The following CAMTA1 variants were observed in gnomAD, a reference collection of about 807,000 sequenced individuals.
CAMTA1 encodes calmodulin binding transcription activator 1, also known as calmodulin-binding transcription activator 1.
A neutral mutation model predicts 170.9 loss-of-function variants in CAMTA1; 27 were observed. That is an observed-to-expected ratio of 0.16 (90% CI 0.12 to 0.22). The LOEUF is 0.22. Among genes scored for constraint, CAMTA1 ranks in the 10% least tolerant of loss-of-function variants. The pLI is 1.00. For synonymous variants in CAMTA1, 833 were observed against 891.5 expected, an observed-to-expected ratio of 0.93 and a Z score of 1.17; for missense variants, 1,619 against 2,217.2, an observed-to-expected ratio of 0.73 and a Z score of 5.42.
chr1:6,838,284 C>T (rs958954999), intron 3 of CAMTA1, among the ~76,000 whole-genome samples: 3 of 152,174 alleles, frequency 2.0e-5, no homozygotes, highest in Non-Finnish European at 1.5e-5. Flanking sequence ...GCAAAATGTG[C>T]GCTCCCTGTG....
At chr1:7,667,343 G>A (rs1201087226) in intron 9 of CAMTA1, among the ~76,000 whole-genome samples, 1 of 152,152 alleles carries the variant, frequency 6.6e-6, no homozygotes, top group Non-Finnish European at 1.5e-5. Context: ...CAGGGAGGAG[G>A]CCAGGATCAG....
intron 20 of CAMTA1, 133 bp downstream of exon 20, chr1:7,751,525 C>T (rs747067340): frequency 6.9e-5 from 46 of 662,806 alleles, no homozygotes; most frequent in East Asian, 3.3e-4. Flanking sequence ...TGTTCCAGAA[C>T]GTTTTAGGCA....
At chr1:7,475,981 C>A (rs545740900) in intron 6 of CAMTA1, among the ~76,000 whole-genome samples, 2,346 of 152,304 alleles carry the variant, frequency 0.015, 68 homozygotes, top group African/African-American at 0.053. Flanking sequence ...ATGTGCTGGC[C>A]TCACAGGGAC....
At chr1:7,519,987 G>A (rs988020828) in intron 6 of CAMTA1, among the ~76,000 whole-genome samples, 2 of 150,964 alleles carry the variant, frequency 1.3e-5, no homozygotes, top group Non-Finnish European at 2.9e-5. Context: ...CCATCAGAAC[G>A]GGAGCTTCTA....
At chr1:7,712,989 T>G (rs982286312) in intron 11 of CAMTA1, among the ~76,000 whole-genome samples, 2 of 152,212 alleles carry the variant, frequency 1.3e-5, no homozygotes, top group African/African-American at 4.8e-5. Context: ...GACTGGGTCC[T>G]GTCCACGACA....
chr1:7,291,214 G>A (rs115176030), intron 5 of CAMTA1, among the ~76,000 whole-genome samples: 163 of 152,230 alleles, frequency 1.1e-3, no homozygotes, highest in African/African-American at 3.8e-3. Flanking sequence ...AGTTAGGGAC[G>A]AAGACGGGCA....
At chr1:7,329,948 C>T (rs2082918994) in intron 5 of CAMTA1, among the ~76,000 whole-genome samples, 1 of 152,198 alleles carries the variant, frequency 6.6e-6, no homozygotes, top group Non-Finnish European at 1.5e-5. Flanking sequence ...CCCACAGACC[C>T]TCCAGGCCCA....
intron 4 of CAMTA1, among the ~76,000 whole-genome samples, chr1:7,174,126 G>A (rs1438950800): frequency 2.0e-5 from 3 of 152,114 alleles, no homozygotes; most frequent in Non-Finnish European, 4.4e-5. Flanking sequence ...AGGGAGCAGT[G>A]CAAAGCAAGC....
At position 7,682,357 on chromosome 1, in the gene CAMTA1, G is replaced by A. The variant is rs1277387672; in HGVS notation, c.2914+4624G>A. Among the ~76,000 whole-genome samples, 7 of 152,252 alleles carry A rather than the reference G, an allele frequency of 4.6e-5. No homozygotes were observed. The highest frequency in any genetic ancestry group is 1.0e-4 in the Non-Finnish European group (7 of 68,044). On this transcript the variant is annotated intron_variant, in intron 11 of 22. Transcript: ENST00000303635. This position sits in a 1 kb window ranked among gnomAD's most constrained non-coding sequence, Gnocchi z 5.0. The stretch of plus-strand genomic sequence containing the variant: ...ACTTCTGGGGCAGCCTGGCCCTGGG[G>A]TAGGTGTCTGGGAAGACTGAGAGCC...
intron 3 of CAMTA1, chr1:7,008,520 C>T (rs1173311215): frequency 2.0e-5 from 3 of 152,136 alleles, no homozygotes; most frequent in Admixed American, 6.5e-5. Context: ...AGGGGAGGCT[C>T]AGGGGCCGGC....
At chr1:7,088,359 C>T (rs750213169) in intron 3 of CAMTA1, among the ~76,000 whole-genome samples, 3 of 152,102 alleles carry the variant, frequency 2.0e-5, no homozygotes, top group East Asian at 1.9e-4. Context: ...TTAAACATGA[C>T]GTGACCCCTG....
intron 3 of CAMTA1, among the ~76,000 whole-genome samples, chr1:6,881,547 C>T (rs770491513): frequency 3.9e-5 from 6 of 152,044 alleles, no homozygotes; most frequent in Admixed American, 6.5e-5. Context: ...GGAAGGGGCA[C>T]GGGAGGGGAG....
intron 5 of CAMTA1, among the ~76,000 whole-genome samples, chr1:7,370,625 G>T (rs1002292225): frequency 6.6e-6 from 1 of 152,080 alleles, no homozygotes; most frequent in Non-Finnish European, 1.5e-5. Context: ...TTAATATATC[G>T]CTAAGTGAGA....
At chr1:7,645,759 C>CGGCA (rs150631130) in intron 7 of CAMTA1, among the ~76,000 whole-genome samples, 2,040 of 152,364 alleles carry the variant, frequency 0.013, 46 homozygotes, top group African/African-American at 0.046. Flanking sequence ...ACTGGGCGGG[C>CGGCA]GGCAGGAGGG....
intron 6 of CAMTA1, among the ~76,000 whole-genome samples, chr1:7,618,634 C>T (rs2095576511): frequency 6.6e-6 from 1 of 152,208 alleles, no homozygotes; most frequent in South Asian, 2.1e-4. Flanking sequence ...TAAAAGGCCA[C>T]ACATCAGGGA....
intron 4 of CAMTA1, among the ~76,000 whole-genome samples, chr1:7,238,764 T>G (rs946484261): frequency 3.3e-5 from 5 of 152,202 alleles, no homozygotes; most frequent in African/African-American, 1.2e-4. Flanking sequence ...GTACCTGTAA[T>G]CCCAGCTTCC....
chr1:6,888,338 AGCCTAGTTCAGGGT>A, intron 3 of CAMTA1: 5 of 758,418 alleles, frequency 6.6e-6, no homozygotes, highest in Non-Finnish European at 8.0e-6. Flanking sequence ...AGTAACTGGA[AGCCTAGTTCAGGGT>A]GCTGTGAGAA....
In CAMTA1 at chr1:7,200,082, A is replaced by T. The variant is rs537423455; in HGVS notation, c.303-49409A>T. On this transcript the variant is annotated intron_variant, in intron 4 of 22. Coordinates refer to ENST00000303635, the MANE Select transcript of CAMTA1 (RefSeq NM_015215.4). ...AGAAAGTTGAAAAGTTTTTTAAAAC[A>T]TACAAGTACCATTTGTATATCATTC... Among the ~76,000 whole-genome samples the T allele has an allele frequency of 1.4e-3, 211 of 152,370 alleles. 1 individual carries two copies. The highest frequency in any genetic ancestry group is 3.4e-3 in the Middle Eastern group (1 of 294).
In CAMTA1 at chr1:7,681,568, G is replaced by T. The variant is rs1030588045; in HGVS notation, c.2914+3835G>T. 1.3e-5 allele frequency among the ~76,000 whole-genome samples: 2 copies of T among 152,238 alleles called. No individual in the cohort carries two copies. The highest frequency in any genetic ancestry group is 2.9e-5 in the Non-Finnish European group (2 of 68,046). ...CAGGACCCCAGGGAGGTCTGAGCAG[G>T]CCAGCTCTTCATACAAAGATGCAAG... On this transcript the variant is annotated intron_variant, in intron 11 of 22. Coordinates refer to ENST00000303635, the MANE Select transcript of CAMTA1 (RefSeq NM_015215.4). The surrounding 1 kb of genome is among the most constrained non-coding windows in gnomAD (Gnocchi z 4.6).
Sources: gnomAD v4.1 joint callset for allele counts (sites outside exome capture counted in the v4.1 genomes callset) on GRCh38, gnomAD v4.1.1 for gene constraint, Gnocchi (gnomAD v3.1) non-coding constraint, MANE v1.5 for transcripts, NCBI Gene and HGNC (gene_info 2026-07-23, HGNC 2026-07-21) for gene names.